Variants in DCDC1 observed in about 807,000 individuals in gnomAD.
DCDC1 encodes the protein doublecortin domain containing 1, also known as doublecortin domain-containing protein 1.
DCDC1 carries 200 observed loss-of-function variants against 178.3 expected under a neutral mutation model. The ratio of observed to expected loss-of-function variants is 1.12; its 90% CI spans 1.00 to 1.26. The LOEUF (loss-of-function observed/expected upper bound fraction) is 1.26. Among genes scored for constraint, DCDC1 ranks in the 50% most tolerant of loss-of-function variants. The pLI, the probability that DCDC1 is intolerant of heterozygous loss-of-function variation, is 0.00. For missense variants in DCDC1, 1,983 were observed against 1,749.2 expected (o/e 1.13, Z -2.38); for synonymous variants, 690 against 604.8 (o/e 1.14, Z -2.07).
At chr11:31,365,484 T>C (rs902099573) in intron 1 of DCDC1, among the ~76,000 whole-genome samples, 15 of 152,110 alleles carry the variant, frequency 9.9e-5, no homozygotes, top group African/African-American at 3.1e-4. Flanking sequence ...TAATCCTGAA[T>C]AGGAAATAAT....
chr11:31,042,673 C>G (rs772204260), intron 20 of DCDC1, among the ~76,000 whole-genome samples: 6 of 152,016 alleles, frequency 3.9e-5, no homozygotes, highest in Non-Finnish European at 7.4e-5. Flanking sequence ...AGATATCAAA[C>G]ATATCTACAA....
chr11:31,138,835 T>C (rs139383276), intron 9 of DCDC1, among the ~76,000 whole-genome samples: 35 of 152,184 alleles, frequency 2.3e-4, no homozygotes, highest in Non-Finnish European at 4.6e-4. Flanking sequence ...GATGTGCATA[T>C]ATACTAGAAT....
intron 10 of DCDC1, among the ~76,000 whole-genome samples, chr11:31,136,144 T>C (rs1963103648): frequency 6.6e-6 from 1 of 152,084 alleles, no homozygotes; most frequent in South Asian, 2.1e-4. Context: ...GTTTCCAAGA[T>C]ACATGGTAGA....
intron 17 of DCDC1, among the ~76,000 whole-genome samples, chr11:31,090,561 G>A (rs533682432): frequency 6.6e-6 from 1 of 152,274 alleles, no homozygotes; most frequent in South Asian, 2.1e-4. Context: ...ACACTTTGTT[G>A]TTAGAGTAAG....
At chr11:30,905,973 T>G (rs1243946275) in intron 30 of DCDC1, among the ~76,000 whole-genome samples, 1 of 152,160 alleles carries the variant, frequency 6.6e-6, no homozygotes, top group African/African-American at 2.4e-5. Flanking sequence ...GTGTGTAAGT[T>G]CCCATAGTTT....
intron 20 of DCDC1, among the ~76,000 whole-genome samples, chr11:31,000,874 T>G (rs187938025): frequency 6.4e-4 from 97 of 152,230 alleles, no homozygotes; most frequent in African/African-American, 2.2e-3. Flanking sequence ...GAAAAAAAAG[T>G]CCCATATACC....
chr11:31,064,488 G>T lies in DCDC1; in HGVS notation c.2572C>A (p.Pro858Thr), dbSNP rs1389889357. 1.3e-6 allele frequency: 1 copy of T among 765,698 alleles called. No individual in the cohort carries two copies. The highest frequency in any genetic ancestry group is 1.7e-5 in the African/African-American group (1 of 59,208). 47.4% of individuals were successfully genotyped at this position (765,698 alleles called of 1,614,324 possible). A position where few individuals can be genotyped will look rare whatever the true frequency, so the allele number is the denominator to read the frequency against. ...ALVRKLEEKH[P>T]KASAQRWAIK... The stretch of plus-strand genomic sequence containing the variant: ...CCCTACCTCTGAGCAGAAGCCTTAG[G>T]ATGTTTCTCTTCCAGTTTCCTCACC... The change falls in exon 20 of 39, where the codon CCT (proline) becomes ACT (threonine). Residue 858 changes from proline (P) to threonine (T), a missense_variant. Physicochemically the swap from Pro to Thr is conservative, Grantham distance 38 (BLOSUM62 -1). Coordinates refer to ENST00000684477, the MANE Select transcript of DCDC1 (RefSeq NM_001387274.1).
intron 8 of DCDC1, among the ~76,000 whole-genome samples, chr11:31,254,209 G>C (rs1307238934): frequency 6.6e-6 from 1 of 152,108 alleles, no homozygotes; most frequent in Non-Finnish European, 1.5e-5. Flanking sequence ...CATAAAGAAG[G>C]GTAAGGAAGC....
chr11:31,274,744 A>C (rs1166640345), intron 7 of DCDC1, among the ~76,000 whole-genome samples: 1 of 147,174 alleles, frequency 6.8e-6, no homozygotes, highest in African/African-American at 2.5e-5. Context: ...TCTGTCAGCC[A>C]GGCTGGAGTG....
Position 30,899,689 on chromosome 11 carries a change from C to G in DCDC1, c.4664-47G>C, listed in dbSNP as rs368721770. 2 of 1,280,102 alleles carry G rather than the reference C, an allele frequency of 1.6e-6. 1 individual carries two copies. The highest frequency in any genetic ancestry group is 5.8e-5 in the Admixed American group (2 of 34,494). The allele number at this position is 1,280,102 out of a possible 1,614,324, so 79.3% of individuals were successfully genotyped here. On this transcript the variant is annotated intron_variant, in intron 33 of 38. Transcript: ENST00000684477. ...ATATTTTATCAACAGTAATTTATCA[C>G]GCGCACCAATAATTTATAAAGAACT...
rs1221249144 is a variant in DCDC1, at chr11:30,945,738, ATCTATCTATCTG to A, written c.2715+6695_2715+6706del. ...TATCTATCTATCTATCTATCTATCT[ATCTATCTATCTG>A]TCTGTCTGTCTATCTATCTATAGAT... On this transcript the variant is annotated intron_variant, in intron 21 of 38. Transcript: ENST00000684477. Among the ~76,000 whole-genome samples, 1,180 of 142,136 alleles carry A rather than the reference ATCTATCTATCTG, an allele frequency of 8.3e-3. 14 individuals carry two copies. Among genetic ancestry groups the A allele is most frequent in the African/African-American group, 0.027 (987 of 36,542 alleles). 93.2% of individuals were successfully genotyped at this position (142,136 alleles called of 152,430 possible).
intron 9 of DCDC1, among the ~76,000 whole-genome samples, chr11:31,202,229 C>A (rs1249808200): frequency 6.6e-6 from 1 of 152,104 alleles, no homozygotes; most frequent in Non-Finnish European, 1.5e-5. Context: ...TCAATACTAG[C>A]CATTCTCTTT....
At chr11:31,068,708 CT>C (rs1430601606) in intron 18 of DCDC1, among the ~76,000 whole-genome samples, 5 of 151,938 alleles carry the variant, frequency 3.3e-5, no homozygotes, top group African/African-American at 1.2e-4. Flanking sequence ...ACATGTATCC[CT>C]TTTATTATTT....
intron 20 of DCDC1, among the ~76,000 whole-genome samples, chr11:31,028,617 A>G (rs1321314528): frequency 6.6e-6 from 1 of 152,076 alleles, no homozygotes; most frequent in East Asian, 1.9e-4. Flanking sequence ...CAAATAGACT[A>G]GCAAATTTGA....
intron 8 of DCDC1, among the ~76,000 whole-genome samples, chr11:31,248,098 G>C (rs943665082): frequency 6.6e-6 from 1 of 151,966 alleles, no homozygotes; most frequent in African/African-American, 2.4e-5. Flanking sequence ...CTTAGAGTTA[G>C]TTTTAGGGAG....
intron 35 of DCDC1, 129 bp downstream of exon 35, chr11:30,894,119 G>T: frequency 7.8e-7 from 1 of 1,274,670 alleles, no homozygotes; most frequent in Non-Finnish European, 1.0e-6. Context: ...CTTGGCATAT[G>T]CTTATATGGT....
intron 17 of DCDC1, among the ~76,000 whole-genome samples, chr11:31,088,505 C>T (rs1957609948): frequency 6.6e-6 from 1 of 151,878 alleles, no homozygotes; most frequent in Non-Finnish European, 1.5e-5. Flanking sequence ...ATATTTTTAA[C>T]TTATCATAAT....
rs377715080 is a variant in DCDC1 at position 31,190,031 on chromosome 11, C to T, written c.1221+51419G>A. Among the ~76,000 whole-genome samples the T allele has an allele frequency of 7.0e-4, 106 of 152,104 alleles. 2 individuals are homozygous for T. The highest frequency in any genetic ancestry group is 1.5e-4 in the Non-Finnish European group (10 of 68,002). On this transcript the variant is annotated intron_variant, in intron 9 of 38. Transcript: ENST00000684477. ...TCAGACAACTCTATAAATATAGTGA[C>T]GAGTAATACAAAATGGTTGGAAATA... is the stretch of plus-strand genomic sequence containing the variant.
intron 20 of DCDC1, among the ~76,000 whole-genome samples, chr11:31,025,423 C>T (rs776173656): frequency 2.4e-4 from 36 of 151,676 alleles, no homozygotes; most frequent in Non-Finnish European, 3.0e-4. Flanking sequence ...CTTAAAACAT[C>T]CATTACTATT....
Sources: allele counts gnomAD v4.1 joint callset (sites outside exome capture counted in the v4.1 genomes callset), GRCh38; gene constraint gnomAD v4.1.1; transcripts MANE v1.5; gene names NCBI Gene and HGNC (gene_info 2026-07-23, HGNC 2026-07-21).